The following SOS2 variants were observed in gnomAD, a reference collection of about 807,000 sequenced individuals.
SOS2 encodes the protein SOS Ras/Rho guanine nucleotide exchange factor 2.
In SOS2, 65 loss-of-function variants were observed where a neutral mutation model predicts 148.2. That is an observed-to-expected ratio of 0.44 (90% CI 0.36 to 0.54). SOS2 has a LOEUF of 0.54. SOS2 is among the 20% of genes least tolerant of loss of function. SOS2 has a pLI of 0.00. For missense variants in SOS2, 1,341 were observed against 1,590.2 expected (o/e 0.84, Z 2.67); for synonymous variants, 539 against 537.1 (o/e 1.00, Z -0.05).
intron 8 of SOS2, 97 bp from the exon 9 acceptor site, chr14:50,161,706 T>A: frequency 9.2e-7 from 1 of 1,086,322 alleles, no homozygotes; most frequent in Non-Finnish European, 1.3e-6. Flanking sequence ...TTATCAACTC[T>A]AAGTTAATTT....
intron 1 of SOS2, among the ~76,000 whole-genome samples, chr14:50,216,980 CA>C (rs1887056857): frequency 6.6e-6 from 1 of 151,990 alleles, no homozygotes; most frequent in African/African-American, 2.4e-5. Flanking sequence ...CATGGAAATA[CA>C]AAGGTCCTAG....
chr14:50,140,188 G>T, intron 16 of SOS2, 129 bp from the exon 17 acceptor site: 2 of 552,778 alleles, frequency 3.6e-6, no homozygotes, highest in South Asian at 2.8e-5. Flanking sequence ...AAAGATGAGT[G>T]GTATTCCTTT....
At chr14:50,193,063 G>A (rs1016906934) in intron 4 of SOS2, among the ~76,000 whole-genome samples, 2 of 151,636 alleles carry the variant, frequency 1.3e-5, no homozygotes, top group African/African-American at 4.8e-5. Context: ...TAGCCTCAAT[G>A]TCCTAGGCTC....
chr14:50,121,672 A>G (rs1193703963), intron 21 of SOS2, among the ~76,000 whole-genome samples: 3 of 150,406 alleles, frequency 2.0e-5, no homozygotes, highest in Non-Finnish European at 2.9e-5. Context: ...ATCCAAGTAG[A>G]TATGTCAAAC....
At chr14:50,121,208 T>G (rs1196466741) in intron 21 of SOS2, among the ~76,000 whole-genome samples, 2 of 152,136 alleles carry the variant, frequency 1.3e-5, no homozygotes, top group African/African-American at 2.4e-5. Flanking sequence ...ATTTACAAAA[T>G]GATAAATGAC....
chr14:50,152,482 T>C (rs1321984663), intron 13 of SOS2, among the ~76,000 whole-genome samples: 1 of 152,162 alleles, frequency 6.6e-6, no homozygotes, highest in Non-Finnish European at 1.5e-5. Context: ...AACCTTGCAA[T>C]GAGATAAAAT....
intron 1 of SOS2, among the ~76,000 whole-genome samples, chr14:50,210,907 G>A (rs565062813): frequency 1.6e-4 from 25 of 152,094 alleles, no homozygotes; most frequent in Non-Finnish European, 2.9e-4. Context: ...TAACTATGTG[G>A]AGCAATGGGA....
intron 8 of SOS2, among the ~76,000 whole-genome samples, chr14:50,170,719 T>C (rs765648126): frequency 6.7e-6 from 1 of 149,888 alleles, no homozygotes; most frequent in Non-Finnish European, 1.5e-5. Flanking sequence ...TTAACAAGTA[T>C]ATAAAAGATA....
At chr14:50,148,711 C>T (rs8017531) in intron 14 of SOS2, among the ~76,000 whole-genome samples, 132,283 of 152,154 alleles carry the variant, frequency 0.87, 57,592 homozygotes, top group East Asian at 0.92. Context: ...CTGGTGGGTG[C>T]GCTAAAAGTC....
intron 7 of SOS2, among the ~76,000 whole-genome samples, chr14:50,178,711 TACACAC>T (rs1555371318): frequency 4.9e-4 from 59 of 120,356 alleles, no homozygotes; most frequent in East Asian, 1.1e-3. Context: ...TATATATATA[TACACAC>T]ATATACACAC....
chr14:50,177,319 CTAAA>C (rs1276832008), intron 7 of SOS2, among the ~76,000 whole-genome samples: 4 of 152,010 alleles, frequency 2.6e-5, no homozygotes, highest in East Asian at 3.8e-4. Flanking sequence ...GACCCTGTCT[CTAAA>C]TAAATAAATA....
chr14:50,201,569 A>G (rs1468832938), intron 2 of SOS2, among the ~76,000 whole-genome samples: 3 of 152,004 alleles, frequency 2.0e-5, no homozygotes, highest in Non-Finnish European at 2.9e-5. Context: ...AGGACTATCA[A>G]AATTTTTCCA....
chr14:50,117,347 A>G lies in SOS2; in HGVS notation c.*997T>C, dbSNP rs1335324540. The G allele has an allele frequency of 6.6e-6, 1 of 152,232 alleles. No individual in the cohort carries two copies. Among genetic ancestry groups the G allele is most frequent in the Non-Finnish European group, 1.5e-5 (1 of 68,038 alleles). The allele number at this position is 152,232 out of a possible 1,614,324, so 9.4% of individuals were successfully genotyped here. A position where few individuals can be genotyped will look rare whatever the true frequency, so the allele number is the denominator to read the frequency against. On this transcript the variant is annotated 3_prime_UTR_variant, in exon 23 of 23. Coordinates refer to ENST00000216373, the MANE Select transcript of SOS2 (RefSeq NM_006939.4). ...ACTTATCTGATTAAAATGTTTAATA[A>G]AGCTTTAAGTATTTGCTGGTTTAAA...
At chr14:50,179,387 T>C (rs1885655405) in intron 7 of SOS2, among the ~76,000 whole-genome samples, 1 of 152,144 alleles carries the variant, frequency 6.6e-6, no homozygotes, top group East Asian at 1.9e-4. Context: ...GTTTATTTTT[T>C]ATTTTTATTT....
chr14:50,222,259 T>A (rs1017837890), intron 1 of SOS2, among the ~76,000 whole-genome samples: 1 of 152,162 alleles, frequency 6.6e-6, no homozygotes, highest in Non-Finnish European at 1.5e-5. Context: ...GATGTCAGCA[T>A]AAAAATGTGC....
chr14:50,160,135 G>A, intron 9 of SOS2, 49 bp from the exon 10 acceptor site: 1 of 1,419,866 alleles, frequency 7.0e-7, no homozygotes, highest in Middle Eastern at 2.1e-4. Context: ...CAACCCAAAT[G>A]GTTTCAAGCA....
At chr14:50,210,823 TAAATTA>T (rs1168352612) in intron 1 of SOS2, among the ~76,000 whole-genome samples, 1 of 151,982 alleles carries the variant, frequency 6.6e-6, no homozygotes, top group Non-Finnish European at 1.5e-5. Flanking sequence ...CAGAAAAATG[TAAATTA>T]AACGACCATG....
In SOS2 at chr14:50,122,077, G is replaced by A. The variant is rs146698348; in HGVS notation, c.3380-1693C>T. Among the ~76,000 whole-genome samples, 114 of 152,254 alleles carry A rather than the reference G, an allele frequency of 7.5e-4. 1 individual carries two copies. The highest frequency in any genetic ancestry group is 2.4e-3 in the Admixed American group (36 of 15,288). On this transcript the variant is annotated intron_variant, in intron 21 of 22. Transcript: ENST00000216373. The stretch of plus-strand genomic sequence containing the variant: ...TTAGCTCCAGGGATGGGGCCTAATT[G>A]GTATAAATCAATCAGAGTAATCCCA...
At chr14:50,225,035 T>TTCACTTCTACATGTTAAAATG (rs946267975) in intron 1 of SOS2, among the ~76,000 whole-genome samples, 1 of 152,230 alleles carries the variant, frequency 6.6e-6, no homozygotes, top group Non-Finnish European at 1.5e-5. Flanking sequence ...ATCTTGTTGC[T>TTCACTTCTACATGTTAAAATG]TCACTTCTAC....
Sources: allele counts gnomAD v4.1 joint callset (sites outside exome capture counted in the v4.1 genomes callset), GRCh38; gene constraint gnomAD v4.1.1; transcripts MANE v1.5; gene names NCBI Gene and HGNC (gene_info 2026-07-23, HGNC 2026-07-21).